MELK: variants seen among roughly 807,000 people sequenced by gnomAD.
MELK encodes maternal embryonic leucine zipper kinase.
In MELK, 81 loss-of-function variants were observed where a neutral mutation model predicts 85.0. That is an observed-to-expected ratio of 0.95 (90% confidence interval 0.80 to 1.15). The LOEUF (loss-of-function observed/expected upper bound fraction) is 1.15. Among genes scored for constraint, MELK ranks in the 50% most tolerant of loss-of-function variants. The pLI is 0.00. For missense variants in MELK, 754 were observed against 777.5 expected, an observed-to-expected ratio of 0.97 and a Z score of 0.36; for synonymous variants, 252 against 265.0, an observed-to-expected ratio of 0.95 and a Z score of 0.48.
intron 8 of MELK, among the ~76,000 whole-genome samples, chr9:36,623,492 AG>A (rs1410879058): frequency 2.0e-5 from 3 of 152,364 alleles, no homozygotes; most frequent in Admixed American, 2.0e-4. Flanking sequence ...AATGAGTCAC[AG>A]GCCTTATGAC....
At chr9:36,644,877 C>T (rs374931063) in intron 11 of MELK, among the ~76,000 whole-genome samples, 1 of 152,090 alleles carries the variant, frequency 6.6e-6, no homozygotes. Context: ...CTTCCCTTTC[C>T]AGCTGGGATA....
At chr9:36,589,945 G>A (rs899205351) in intron 4 of MELK, among the ~76,000 whole-genome samples, 7 of 130,392 alleles carry the variant, frequency 5.4e-5, no homozygotes, top group African/African-American at 1.2e-4. Context: ...TTTTTGAGAC[G>A]GAATTTCGCT....
chr9:36,627,657 G>A (rs1178390049), intron 8 of MELK, among the ~76,000 whole-genome samples: 1 of 151,350 alleles, frequency 6.6e-6, no homozygotes, highest in African/African-American at 2.4e-5. Flanking sequence ...CTCCTGAGTA[G>A]CTGGGAATTA....
At chr9:36,586,022 A>G (rs549102882) in intron 3 of MELK, among the ~76,000 whole-genome samples, 1 of 152,262 alleles carries the variant, frequency 6.6e-6, no homozygotes, top group South Asian at 2.1e-4. Flanking sequence ...ATTGTTAAAG[A>G]TATAAGTTCT....
intron 8 of MELK, among the ~76,000 whole-genome samples, chr9:36,624,536 GCTT>G (rs1827760115): frequency 6.6e-6 from 1 of 152,118 alleles, no homozygotes; most frequent in African/African-American, 2.4e-5. Flanking sequence ...TGTTTTCTCT[GCTT>G]CTTTCTGGAT....
rs569341850 is a variant in MELK at position 36,665,379 on chromosome 9, G to A, written c.1206G>A (p.Gly402=). The A allele has an allele frequency of 1.9e-5, 31 of 1,612,688 alleles. No homozygotes were observed. In the South Asian group the frequency reaches 3.3e-4, roughly 17 times the overall value. Residue 402 remains glycine (G), a synonymous_variant, in exon 14 of 18, where the codon GGG becomes GGA. Transcript: ENST00000298048. ...QFTKYWTESN[G]VESKSLTPAL... ...CCAAGTACTGGACAGAATCAAATGG[G>A]GTGGAATCTAAATCATTAACTCCAG...
At chr9:36,600,368 C>G (rs1366358463) in intron 7 of MELK, among the ~76,000 whole-genome samples, 1 of 151,608 alleles carries the variant, frequency 6.6e-6, no homozygotes, top group African/African-American at 2.4e-5. Flanking sequence ...GCATGAGCCA[C>G]TGCGCCCAGC....
At chr9:36,672,712 G>A (rs568912093) in intron 16 of MELK, among the ~76,000 whole-genome samples, 9 of 152,170 alleles carry the variant, frequency 5.9e-5, no homozygotes, top group Non-Finnish European at 1.2e-4. Flanking sequence ...AACCTCACAC[G>A]GCTGAGATGT....
chr9:36,671,234 AGGTGCT>A (rs895095691), intron 16 of MELK, 68 bp downstream of exon 16: 5 of 1,417,762 alleles, frequency 3.5e-6, no homozygotes, highest in Non-Finnish European at 4.7e-6. Flanking sequence ...TTTTTTTTTA[AGGTGCT>A]GAATGAATTG....
At chr9:36,579,480 A>G (rs1821985421) in intron 1 of MELK, among the ~76,000 whole-genome samples, 2 of 152,356 alleles carry the variant, frequency 1.3e-5, no homozygotes, top group South Asian at 4.1e-4. Context: ...ATAAGTATTA[A>G]TTTGTTGTCT....
intron 7 of MELK, among the ~76,000 whole-genome samples, chr9:36,603,846 T>G (rs1825171376): frequency 6.6e-6 from 1 of 152,240 alleles, no homozygotes; most frequent in Non-Finnish European, 1.5e-5. Context: ...TGAAAAATGC[T>G]TTTTCTGCTT....
At chr9:36,619,220 A>G (rs1412550439) in intron 8 of MELK, among the ~76,000 whole-genome samples, 1 of 152,172 alleles carries the variant, frequency 6.6e-6, no homozygotes, top group Non-Finnish European at 1.5e-5. Context: ...CAGCCTCTCA[A>G]AAGTGCTGAG....
At chr9:36,582,650 G>A (rs753365580) in intron 2 of MELK, among the ~76,000 whole-genome samples, 20 of 152,060 alleles carry the variant, frequency 1.3e-4, no homozygotes, top group Non-Finnish European at 2.6e-4. Flanking sequence ...TTCCCTGTGC[G>A]GATCAAGACA....
intron 12 of MELK, among the ~76,000 whole-genome samples, chr9:36,656,836 C>T (rs969550593): frequency 2.6e-5 from 4 of 152,262 alleles, no homozygotes; most frequent in Non-Finnish European, 5.9e-5. Flanking sequence ...CAGACTGGCT[C>T]CAACGCCTGA....
intron 14 of MELK, among the ~76,000 whole-genome samples, chr9:36,669,013 T>G (rs1832643377): frequency 6.6e-6 from 1 of 152,238 alleles, no homozygotes; most frequent in Non-Finnish European, 1.5e-5. Context: ...GATTTGTATT[T>G]ATATGATCTG....
intron 4 of MELK, among the ~76,000 whole-genome samples, chr9:36,589,868 T>A (rs932109230): frequency 1.3e-5 from 2 of 152,034 alleles, no homozygotes; most frequent in African/African-American, 2.4e-5. Context: ...GTAGTATGGT[T>A]TACTAGATAG....
At chr9:36,661,603 A>G (rs1210736020) in intron 13 of MELK, among the ~76,000 whole-genome samples, 1 of 152,214 alleles carries the variant, frequency 6.6e-6, no homozygotes, top group African/African-American at 2.4e-5. Flanking sequence ...TAAAACAATG[A>G]AACCTTTCAT....
At chr9:36,677,106 CT>C in intron 17 of MELK, 53 bp from the exon 18 acceptor site, 1 of 1,515,862 alleles carries the variant, frequency 6.6e-7, no homozygotes. Context: ...TTAGAAAACT[CT>C]TATACAGAAT....
intron 13 of MELK, among the ~76,000 whole-genome samples, chr9:36,663,105 A>T (rs1832013320): frequency 6.8e-6 from 1 of 146,358 alleles, no homozygotes; most frequent in Non-Finnish European, 1.5e-5. Flanking sequence ...TTTGAGACAG[A>T]GTTTCTCTCT....
Sources: gnomAD v4.1 joint callset for allele counts (sites outside exome capture counted in the v4.1 genomes callset) on GRCh38, gnomAD v4.1.1 for gene constraint, MANE v1.5 for transcripts, NCBI Gene and HGNC (gene_info 2026-07-23, HGNC 2026-07-21) for gene names.